LHCGR: variants seen among roughly 807,000 people sequenced by gnomAD.
LHCGR encodes luteinizing hormone/choriogonadotropin receptor, also known as lutropin-choriogonadotropic hormone receptor.
Under a neutral mutation model 60.7 loss-of-function variants are expected in LHCGR, and 55 were observed. That is an observed-to-expected ratio of 0.91 (90% CI 0.73 to 1.13). LHCGR has a LOEUF of 1.13. Ranked by LOEUF, LHCGR falls within the 50% of genes most tolerant of loss-of-function variation. The probability of loss-of-function intolerance (pLI) is 0.00; values close to 1 mark genes in which losing one functional copy is unlikely to be tolerated. For missense variants in LHCGR, 862 were observed against 836.0 expected (o/e 1.03, Z -0.38); for synonymous variants, 337 against 316.5 (o/e 1.06, Z -0.69).
rs559519500 is a variant in LHCGR at position 48,755,528 on chromosome 2, C to T, written c.144G>A (p.Thr48=). 4.5e-6 allele frequency: 7 copies of T among 1,541,324 alleles called. No homozygotes were observed. The highest frequency in any genetic ancestry group is 2.0e-5 in the Admixed American group (1 of 50,662). The change falls in exon 1 of 11, where the codon ACG becomes ACA. Residue 48 remains threonine, a synonymous_variant. Coordinates refer to ENST00000294954, the MANE Select transcript of LHCGR (RefSeq NM_000233.4). ...GTACTCACAGTCGAGTGAGACCGGC[C>T]GTGGGGCCGGGGCAGCGCAGGGCGC... The part of the protein sequence containing the change: ...PDGALRCPGP[T]AGLTRLSLAY...
chr2:48,714,932 A>C (rs1668174874), intron 6 of LHCGR, among the ~76,000 whole-genome samples: 1 of 152,186 alleles, frequency 6.6e-6, no homozygotes, highest in Non-Finnish European at 1.5e-5. Flanking sequence ...TAAAGCCTAC[A>C]ACTGGCATAA....
chr2:48,696,628 C>T (rs984263489), intron 9 of LHCGR, among the ~76,000 whole-genome samples: 7 of 152,144 alleles, frequency 4.6e-5, no homozygotes, highest in South Asian at 2.1e-4. Flanking sequence ...TCCCTGCCCC[C>T]GCCAAGAAAA....
intron 1 of LHCGR, among the ~76,000 whole-genome samples, chr2:48,755,059 G>C (rs1466558794): frequency 6.6e-6 from 1 of 152,100 alleles, no homozygotes; most frequent in Non-Finnish European, 1.5e-5. Context: ...CTTGGCCATA[G>C]GGCCTGAGCA....
chr2:48,722,356 T>C (rs1167966801), intron 6 of LHCGR, among the ~76,000 whole-genome samples: 2 of 152,206 alleles, frequency 1.3e-5, no homozygotes, highest in African/African-American at 4.8e-5. Flanking sequence ...AAGCATATTC[T>C]GAGTTAGTAG....
chr2:48,695,248 G>C (rs190239482), intron 9 of LHCGR, among the ~76,000 whole-genome samples: 1 of 152,106 alleles, frequency 6.6e-6, no homozygotes, highest in Non-Finnish European at 1.5e-5. Context: ...TAGGTTGTCT[G>C]TTTACTCTGT....
intron 1 of LHCGR, among the ~76,000 whole-genome samples, chr2:48,748,276 C>T (rs949356257): frequency 7.2e-5 from 11 of 152,072 alleles, no homozygotes; most frequent in African/African-American, 1.4e-4. Flanking sequence ...CATTTCAGTA[C>T]GTATTTCCTG....
chr2:48,739,021 C>G (rs12471286), intron 1 of LHCGR, among the ~76,000 whole-genome samples: 22,519 of 152,198 alleles, frequency 0.15, 2,180 homozygotes, highest in East Asian at 0.32. Context: ...ATTCATGGTT[C>G]CTACTGTTTG....
chr2:48,710,254 G>T (rs1184252810), intron 7 of LHCGR, among the ~76,000 whole-genome samples: 5 of 152,144 alleles, frequency 3.3e-5, no homozygotes, highest in Admixed American at 6.5e-5. Flanking sequence ...AGATGAGATT[G>T]TCAGAATCAA....
At chr2:48,738,950 C>T (rs1669316837) in intron 1 of LHCGR, among the ~76,000 whole-genome samples, 2 of 152,182 alleles carry the variant, frequency 1.3e-5, no homozygotes, top group African/African-American at 4.8e-5. Context: ...CTGAACAGCA[C>T]CTCCCTAGGC....
intron 8 of LHCGR, among the ~76,000 whole-genome samples, chr2:48,700,730 C>T (rs1194960030): frequency 6.6e-6 from 1 of 152,094 alleles, no homozygotes; most frequent in Non-Finnish European, 1.5e-5. Context: ...ATGAGACATG[C>T]AGAAAAAGAC....
chr2:48,706,873 C>T (rs111423577), intron 8 of LHCGR, among the ~76,000 whole-genome samples: 1 of 152,146 alleles, frequency 6.6e-6, no homozygotes, highest in East Asian at 1.9e-4. Context: ...TATTACCCAC[C>T]TTCTGAAGCC....
At chr2:48,696,502 A>C (rs1021417039) in intron 9 of LHCGR, among the ~76,000 whole-genome samples, 1 of 152,214 alleles carries the variant, frequency 6.6e-6, no homozygotes, top group African/African-American at 2.4e-5. Flanking sequence ...CAGAAAATTG[A>C]ATTGTAACAC....
intron 8 of LHCGR, among the ~76,000 whole-genome samples, chr2:48,707,839 G>A (rs1667771230): frequency 1.3e-5 from 2 of 152,212 alleles, no homozygotes; most frequent in South Asian, 2.1e-4. Flanking sequence ...AGCCAGGCAC[G>A]GGAGGGAATC....
Position 48,690,005 on chromosome 2 carries a change from G to A in LHCGR, c.948-1156C>T, listed in dbSNP as rs544528995. Among the ~76,000 whole-genome samples the A allele has an allele frequency of 4.6e-5, 7 of 152,244 alleles. No homozygotes were observed. In the East Asian group the frequency reaches 5.8e-4, roughly 13 times the overall value. ...TGGCATTACAGGCATGAGCCACCAC[G>A]CCCGGCCCAGGTTTTTGTCCTCTCT... On this transcript the variant is annotated intron_variant, in intron 10 of 10. Transcript: ENST00000294954.
At chr2:48,749,178 G>A (rs1669842248) in intron 1 of LHCGR, among the ~76,000 whole-genome samples, 1 of 152,144 alleles carries the variant, frequency 6.6e-6, no homozygotes, top group South Asian at 2.1e-4. Flanking sequence ...TGAGGTTCAG[G>A]GCCACATAGA....
chr2:48,749,054 A>T (rs1243407046), intron 1 of LHCGR, among the ~76,000 whole-genome samples: 1 of 152,236 alleles, frequency 6.6e-6, no homozygotes, highest in Non-Finnish European at 1.5e-5. Flanking sequence ...ACCTCATTAC[A>T]TCAGAGTCAA....
At chr2:48,742,950 A>G (rs1466018958) in intron 1 of LHCGR, among the ~76,000 whole-genome samples, 2 of 152,226 alleles carry the variant, frequency 1.3e-5, no homozygotes, top group African/African-American at 4.8e-5. Flanking sequence ...TGCTAGCAAG[A>G]CTAATAAAGA....
chr2:48,707,142 G>A (rs1667724594), intron 8 of LHCGR, among the ~76,000 whole-genome samples: 1 of 152,226 alleles, frequency 6.6e-6, no homozygotes, highest in Admixed American at 6.5e-5. Flanking sequence ...CCTTCTAACA[G>A]TCAGGCCCGT....
At chr2:48,732,312 G>A (rs72807953) in intron 1 of LHCGR, among the ~76,000 whole-genome samples, 24,297 of 152,240 alleles carry the variant, frequency 0.16, 2,463 homozygotes, top group South Asian at 0.31. Flanking sequence ...TCAGGAATAT[G>A]AGAACAAAGG....
Sources: allele counts gnomAD v4.1 joint callset (sites outside exome capture counted in the v4.1 genomes callset), GRCh38; gene constraint gnomAD v4.1.1; transcripts MANE v1.5; gene names NCBI Gene and HGNC (gene_info 2026-07-23, HGNC 2026-07-21).